The following FOXK2 variants were observed in gnomAD, a reference collection of about 807,000 sequenced individuals.
FOXK2 encodes the protein forkhead box K2.
FOXK2 carries 24 observed loss-of-function variants against 53.3 expected under a neutral mutation model. The observed-to-expected ratio is 0.45, with a 90% CI of 0.33 to 0.63. The LOEUF is 0.63. Among genes scored for constraint, FOXK2 ranks in the 30% least tolerant of loss-of-function variants. The pLI is 0.03. For missense variants in FOXK2, 952 were observed against 910.5 expected (o/e 1.05, Z -0.59); for synonymous variants, 505 against 407.1 (o/e 1.24, Z -2.89).
At chr17:82,586,793 C>G (rs1475594669) in intron 7 of FOXK2, among the ~76,000 whole-genome samples, 2 of 152,066 alleles carry the variant, frequency 1.3e-5, no homozygotes, top group East Asian at 1.9e-4. Context: ...CCCAGCTACT[C>G]GGGAGGCTGA....
rs2045389076 is a variant in FOXK2, at chr17:82,601,785, T to C, written c.*286T>C. On this transcript the variant is annotated 3_prime_UTR_variant, in exon 9 of 9. Transcript: ENST00000335255. ...TCTGTCCTCCCGCGAGGACCAGGCA[T>C]CGCTGTGTGAGGACGGCACGGCCAG... The C allele has an allele frequency of 1.8e-5, 6 of 331,000 alleles. No individual in the cohort carries two copies. Among genetic ancestry groups the C allele is most frequent in the Admixed American group, 8.5e-5 (2 of 23,552 alleles). The allele number at this position is 331,000 out of a possible 1,614,324, so 20.5% of individuals were successfully genotyped here.
At chr17:82,573,188 G>A (rs1040295786) in intron 4 of FOXK2, among the ~76,000 whole-genome samples, 1 of 151,674 alleles carries the variant, frequency 6.6e-6, no homozygotes, top group Admixed American at 6.6e-5. Context: ...GCAAGACCCT[G>A]TCTCAAAAAG....
chr17:82,533,048 A>G lies in FOXK2; in HGVS notation c.419+12741A>G, dbSNP rs576934301. Among the ~76,000 whole-genome samples, 4 of 152,076 alleles carry G rather than the reference A, an allele frequency of 2.6e-5. No individual in the cohort carries two copies. In the East Asian group the frequency reaches 5.8e-4, roughly 22 times the overall value. ...TACCTCCACATCTTGTTCCACTCCA[A>G]AGTTCTTAGGGGAAGTAACGTGCAT... On this transcript the variant is annotated intron_variant, in intron 1 of 8. Transcript: ENST00000335255.
At chr17:82,523,193 A>G (rs527939463) in intron 1 of FOXK2, among the ~76,000 whole-genome samples, 2 of 152,316 alleles carry the variant, frequency 1.3e-5, no homozygotes, top group African/African-American at 4.8e-5. Context: ...CTCAGGGAAG[A>G]GTCTTGTGGC....
At chr17:82,568,952 C>T (rs902707593) in intron 3 of FOXK2, among the ~76,000 whole-genome samples, 1 of 152,166 alleles carries the variant, frequency 6.6e-6, no homozygotes, top group Non-Finnish European at 1.5e-5. Context: ...GCGGAGGTTG[C>T]AGTGAGCTGA....
intron 8 of FOXK2, among the ~76,000 whole-genome samples, chr17:82,591,379 A>G (rs1211931505): frequency 2.0e-5 from 3 of 151,674 alleles, no homozygotes; most frequent in Non-Finnish European, 4.4e-5. Context: ...CACCCTGCCC[A>G]CCTGCCAATG....
intron 4 of FOXK2, among the ~76,000 whole-genome samples, chr17:82,573,892 A>C (rs1473194442): frequency 6.6e-6 from 1 of 152,264 alleles, no homozygotes; most frequent in East Asian, 1.9e-4. Context: ...TTCTTGCTAA[A>C]GAGGGTGGCT....
rs368403780 is a variant in FOXK2, at chr17:82,601,786, C to T, written c.*287C>T. On this transcript the variant is annotated 3_prime_UTR_variant, in exon 9 of 9. Coordinates refer to ENST00000335255, the MANE Select transcript of FOXK2 (RefSeq NM_004514.4). ...CTGTCCTCCCGCGAGGACCAGGCAT[C>T]GCTGTGTGAGGACGGCACGGCCAGC... 14 of 325,930 alleles carry T rather than the reference C, an allele frequency of 4.3e-5. No homozygotes were observed. The highest frequency in any genetic ancestry group is 7.5e-5 in the Non-Finnish European group (13 of 174,120). The allele number at this position is 325,930 out of a possible 1,614,324, so 20.2% of individuals were successfully genotyped here. A position where few individuals can be genotyped will look rare whatever the true frequency, so the allele number is the denominator to read the frequency against.
intron 3 of FOXK2, among the ~76,000 whole-genome samples, chr17:82,570,066 C>G (rs2044898869): frequency 6.6e-6 from 1 of 150,482 alleles, no homozygotes; most frequent in Admixed American, 6.6e-5. Context: ...ACTAAAAATA[C>G]AAAAAATTAG....
chr17:82,528,664 G>GA (rs768164627), intron 1 of FOXK2, among the ~76,000 whole-genome samples: 21 of 152,318 alleles, frequency 1.4e-4, no homozygotes, highest in Middle Eastern at 6.8e-3. Context: ...AGGGAGACCA[G>GA]AAAGTACCTC....
chr17:82,579,920 C>G (rs564447011), intron 4 of FOXK2, among the ~76,000 whole-genome samples: 8 of 132,702 alleles, frequency 6.0e-5, no homozygotes, highest in Admixed American at 3.7e-4. Context: ...GGCCCAGATC[C>G]CTCCCACACA....
chr17:82,576,665 A>G (rs986636544), intron 4 of FOXK2: 7 of 1,160,066 alleles, frequency 6.0e-6, no homozygotes, highest in African/African-American at 1.5e-5. Context: ...GACACAACGA[A>G]GTCACCACTA....
intron 1 of FOXK2, among the ~76,000 whole-genome samples, chr17:82,532,816 C>T (rs1364296332): frequency 1.3e-5 from 2 of 152,170 alleles, no homozygotes. Context: ...GATCTGCCTG[C>T]TTTGGCCTCC....
intron 4 of FOXK2, among the ~76,000 whole-genome samples, chr17:82,574,963 A>G (rs1325685220): frequency 6.6e-6 from 1 of 152,260 alleles, no homozygotes; most frequent in Non-Finnish European, 1.5e-5. Flanking sequence ...GTGACACTTC[A>G]GTACAGAAAA....
chr17:82,547,281 C>CT (rs1031312122), intron 1 of FOXK2, among the ~76,000 whole-genome samples: 1 of 152,162 alleles, frequency 6.6e-6, no homozygotes, highest in Non-Finnish European at 1.5e-5. Context: ...CAAGGTGATA[C>CT]TTTACATTCA....
chr17:82,567,589 T>G (rs942164931), intron 2 of FOXK2, among the ~76,000 whole-genome samples: 11 of 152,176 alleles, frequency 7.2e-5, no homozygotes, highest in African/African-American at 2.7e-4. Flanking sequence ...CCACTTCAGC[T>G]CCAGGGGCCT....
At chr17:82,524,441 G>A (rs1368356572) in intron 1 of FOXK2, among the ~76,000 whole-genome samples, 1 of 152,164 alleles carries the variant, frequency 6.6e-6, no homozygotes, top group Non-Finnish European at 1.5e-5. Flanking sequence ...ATGTATTAAT[G>A]TGGGGGAAGA....
intron 4 of FOXK2, among the ~76,000 whole-genome samples, chr17:82,572,432 C>A (rs753340621): frequency 6.6e-6 from 1 of 152,082 alleles, no homozygotes; most frequent in Non-Finnish European, 1.5e-5. Flanking sequence ...GGGGCTACCC[C>A]CAAGAGACAC....
At chr17:82,562,002 A>G (rs2044800913) in intron 1 of FOXK2, among the ~76,000 whole-genome samples, 1 of 151,914 alleles carries the variant, frequency 6.6e-6, no homozygotes, top group Non-Finnish European at 1.5e-5. Context: ...GTGGCCGGCC[A>G]CTTGTTTGCG....
Sources: gnomAD v4.1 joint callset for allele counts (sites outside exome capture counted in the v4.1 genomes callset) on GRCh38, gnomAD v4.1.1 for gene constraint, MANE v1.5 for transcripts, NCBI Gene and HGNC (gene_info 2026-07-23, HGNC 2026-07-21) for gene names.